The following MFHAS1 variants were observed in gnomAD, a reference collection of about 807,000 sequenced individuals.
MFHAS1 encodes the protein multifunctional ROCO family signaling regulator 1.
In MFHAS1, 50 loss-of-function variants were observed where a neutral mutation model predicts 70.4. The observed-to-expected ratio is 0.71, with a 90% confidence interval of 0.57 to 0.90. MFHAS1 has a LOEUF of 0.90. Ranked by LOEUF, MFHAS1 falls within the 40% of genes least tolerant of loss-of-function variation. The pLI is 0.00. For missense variants in MFHAS1, 1,795 were observed against 1,347.6 expected (o/e 1.33, Z -5.20); for synonymous variants, 952 against 620.0 (o/e 1.54, Z -7.96).
chr8:8,854,472 G>C (rs1288535294), intron 1 of MFHAS1, among the ~76,000 whole-genome samples: 1 of 151,600 alleles, frequency 6.6e-6, no homozygotes, highest in East Asian at 1.9e-4. Context: ...AGTGAGCTGA[G>C]ATCGCACCAC....
Position 8,792,854 on chromosome 8 carries a change from A to G in MFHAS1, c.3125+4511T>C, listed in dbSNP as rs1295286809. On this transcript the variant is annotated intron_variant, in intron 2 of 2. Transcript: ENST00000276282. Reference sequence around the variant, plus strand: ...AGCTTTTAAAAATGTATCTGTCACAATCTGTATCCTTGAGGAGGCCAGAAT... The same window carrying G: ...AGCTTTTAAAAATGTATCTGTCACAGTCTGTATCCTTGAGGAGGCCAGAAT... 2.6e-5 allele frequency among the ~76,000 whole-genome samples: 4 copies of G among 152,232 alleles called. No homozygotes were observed. The South Asian group carries it at 8.3e-4, about 31-fold the overall frequency.
At chr8:8,853,516 C>A (rs1294040854) in intron 1 of MFHAS1, among the ~76,000 whole-genome samples, 2 of 150,344 alleles carry the variant, frequency 1.3e-5, no homozygotes, top group Non-Finnish European at 3.0e-5. Flanking sequence ...ATTGCTAGTG[C>A]CTGGCACGTA....
chr8:8,890,926 G>A lies in MFHAS1; in HGVS notation c.2133C>T (p.Gly711=), dbSNP rs1164208441. ...QSALSYLHES[G]KLLYFEDSPA... is the part of the protein sequence containing the mutation. ...GACTGTCCTCAAAGTAGAGTAGCTT[G>A]CCGCTCTCATGCAGGTAGGAGAGGG... Residue 711 remains glycine (G), a synonymous_variant, in exon 1 of 3, where the codon GGC becomes GGT. Transcript: ENST00000276282. The A allele has an allele frequency of 1.2e-6, 2 of 1,614,096 alleles. No homozygotes were observed. The highest frequency in any genetic ancestry group is 2.2e-5 in the East Asian group (1 of 44,882).
At position 8,868,793 on chromosome 8, in the gene MFHAS1, T is replaced by C. The variant is rs186348175; in HGVS notation, c.2998+21268A>G. Among the ~76,000 whole-genome samples, 11 of 152,274 alleles carry C rather than the reference T, an allele frequency of 7.2e-5. No individual in the cohort carries two copies. The East Asian group carries it at 7.7e-4, about 11-fold the overall frequency. The stretch of plus-strand genomic sequence containing the variant: ...CAACCTTACAACTGGCTTCCACCCA[T>C]AGTCATCGCTACTTCATATGCAAAC... On this transcript the variant is annotated intron_variant, in intron 1 of 2. Transcript: ENST00000276282.
chr8:8,814,024 A>T (rs1806645616), intron 1 of MFHAS1, among the ~76,000 whole-genome samples: 1 of 146,088 alleles, frequency 6.8e-6, no homozygotes, highest in Non-Finnish European at 1.5e-5. Flanking sequence ...TGCAACCTTC[A>T]CCTCCCAGGT....
chr8:8,870,784 C>G (rs996909479), intron 1 of MFHAS1, among the ~76,000 whole-genome samples: 1 of 152,242 alleles, frequency 6.6e-6, no homozygotes, highest in African/African-American at 2.4e-5. Flanking sequence ...TGCAGCTTCC[C>G]GGGGTCAAGG....
intron 1 of MFHAS1, among the ~76,000 whole-genome samples, chr8:8,854,902 TTTTG>T (rs900720790): frequency 4.7e-4 from 71 of 151,688 alleles, no homozygotes; most frequent in African/African-American, 1.1e-3. Context: ...GTTTTTGGGG[TTTTG>T]TTTGTTTGTT....
intron 1 of MFHAS1, among the ~76,000 whole-genome samples, chr8:8,850,569 C>T (rs753325518): frequency 3.9e-5 from 6 of 152,184 alleles, no homozygotes; most frequent in Middle Eastern, 3.4e-3. Flanking sequence ...GGGTCGGGTG[C>T]GGTAGCTCAC....
chr8:8,790,528 A>T, intron 2 of MFHAS1: 1 of 267,282 alleles, frequency 3.7e-6, no homozygotes, highest in Non-Finnish European at 5.8e-6. Context: ...TTAAAACAGC[A>T]AGGCAAAGAG....
At chr8:8,832,552 C>G (rs906011160) in intron 1 of MFHAS1, among the ~76,000 whole-genome samples, 2 of 151,740 alleles carry the variant, frequency 1.3e-5, no homozygotes, top group Non-Finnish European at 2.9e-5. Context: ...ACAACATAAC[C>G]ACTAGAATGC....
At chr8:8,871,045 C>T (rs1427687764) in intron 1 of MFHAS1, among the ~76,000 whole-genome samples, 1 of 152,122 alleles carries the variant, frequency 6.6e-6, no homozygotes, top group African/African-American at 2.4e-5. Context: ...CAAATAACTA[C>T]CCATTTTTAA....
intron 1 of MFHAS1, among the ~76,000 whole-genome samples, chr8:8,879,166 C>T (rs892526545): frequency 1.2e-4 from 18 of 151,980 alleles, no homozygotes; most frequent in South Asian, 2.1e-4. Context: ...CTGGCCAACA[C>T]GATGAAACCC....
chr8:8,812,975 C>G (rs1387137895), intron 1 of MFHAS1, among the ~76,000 whole-genome samples: 1 of 152,140 alleles, frequency 6.6e-6, no homozygotes, highest in African/African-American at 2.4e-5. Flanking sequence ...CTTTGTTGGC[C>G]AGGATGGTCT....
rs187208658 is a variant in MFHAS1, at chr8:8,806,007, G to T, written c.2999-8516C>A. ...GAGCCACTGTGCCTGGCCGTTTGGGGGTTTGTTTGTTTTGTTTTGTTTTAA... is the reference window on the plus strand; with the variant it reads ...GAGCCACTGTGCCTGGCCGTTTGGGTGTTTGTTTGTTTTGTTTTGTTTTAA... On this transcript the variant is annotated intron_variant, in intron 1 of 2. Transcript: ENST00000276282. Among the ~76,000 whole-genome samples, 6 of 151,940 alleles carry T rather than the reference G, an allele frequency of 3.9e-5. No homozygotes were observed. The East Asian group carries it at 1.2e-3, about 29-fold the overall frequency.
chr8:8,873,782 G>C lies in MFHAS1; in HGVS notation c.2998+16279C>G, dbSNP rs139424865. On this transcript the variant is annotated intron_variant, in intron 1 of 2. Transcript: ENST00000276282. Reference sequence around the variant, plus strand: ...GACAGAAAGGCAGATGCAATGTTTTGAGTCAATGAGATACAGTTCGTTCTT... The same window carrying C: ...GACAGAAAGGCAGATGCAATGTTTTCAGTCAATGAGATACAGTTCGTTCTT... Among the ~76,000 whole-genome samples, 983 of 152,284 alleles carry C rather than the reference G, an allele frequency of 6.5e-3. 8 individuals carry two copies. The highest frequency in any genetic ancestry group is 0.022 in the African/African-American group (927 of 41,556).
chr8:8,890,132 A>C lies in MFHAS1; in HGVS notation c.2927T>G (p.Leu976Arg). 2 of 1,614,204 alleles carry C rather than the reference A, an allele frequency of 1.2e-6. No homozygotes were observed. Among genetic ancestry groups the C allele is most frequent in the Non-Finnish European group, 1.7e-6 (2 of 1,180,042 alleles). Reference protein sequence around the residue: ...LNVLLQEWPGLHYTVHILCSK... With the variant: ...LNVLLQEWPGRHYTVHILCSK... Reference sequence around the variant, plus strand: ...ACAGAGAATGTGCACGGTGTAGTGCAGTCCAGGCCATTCCTGAAGTAGGAC... The same window carrying C: ...ACAGAGAATGTGCACGGTGTAGTGCCGTCCAGGCCATTCCTGAAGTAGGAC... The change falls in exon 1 of 3, where the codon CTG becomes CGG. Residue 976 changes from leucine to arginine, a missense_variant. Physicochemically the swap from Leu to Arg is moderately radical, Grantham distance 102 (BLOSUM62 -2). Transcript: ENST00000276282.
At chr8:8,862,493 A>G (rs754250224) in intron 1 of MFHAS1, among the ~76,000 whole-genome samples, 6 of 151,788 alleles carry the variant, frequency 4.0e-5, no homozygotes, top group Admixed American at 1.3e-4. Flanking sequence ...TTTTAAATTT[A>G]GATTAAGTTA....
At chr8:8,793,247 T>G (rs10103282) in intron 2 of MFHAS1, among the ~76,000 whole-genome samples, 47,647 of 152,068 alleles carry the variant, frequency 0.31, 8,515 homozygotes, top group African/African-American at 0.47. Context: ...TGTCTACAAA[T>G]TGTTTAAAAT....
At chr8:8,824,883 G>A (rs1037881195) in intron 1 of MFHAS1, among the ~76,000 whole-genome samples, 3 of 152,204 alleles carry the variant, frequency 2.0e-5, no homozygotes, top group Admixed American at 6.5e-5. Context: ...CTGGAGGAAG[G>A]CTGCGCTGGC....
Sources: gnomAD v4.1 joint callset for allele counts (sites outside exome capture counted in the v4.1 genomes callset) on GRCh38, gnomAD v4.1.1 for gene constraint, MANE v1.5 for transcripts, NCBI Gene and HGNC (gene_info 2026-07-23, HGNC 2026-07-21) for gene names.